LTF: variants seen among roughly 807,000 people sequenced by gnomAD.
LTF encodes epididymis luminal protein 110.
Under a neutral mutation model 87.2 loss-of-function variants are expected in LTF, and 91 were observed. The observed-to-expected ratio is 1.04, with a 90% CI of 0.88 to 1.24. The LOEUF is 1.24. Ranked by LOEUF, LTF falls within the 50% of genes most tolerant of loss-of-function variation. The probability of loss-of-function intolerance (pLI) is 0.00; values close to 1 mark genes in which losing one functional copy is unlikely to be tolerated. For synonymous variants in LTF, 378 were observed against 356.1 expected (o/e 1.06, Z -0.69); for missense variants, 901 against 904.3 (o/e 1.00, Z 0.05).
chr3:46,472,527 T>TGTGTGTGTGTGTGTGTGAGA (rs1402389714), intron 1 of LTF, among the ~76,000 whole-genome samples: 1 of 130,728 alleles, frequency 7.6e-6, no homozygotes, highest in East Asian at 2.3e-4. Context: ...TGTGTGTGTG[T>TGTGTGTGTGTGTGTGTGAGA]GAGAGAGAGA....
Position 46,447,417 on chromosome 3 carries a change from T to C in LTF, c.1213-19A>G. 1 of 1,568,650 alleles carries C rather than the reference T, an allele frequency of 6.4e-7. No homozygotes were observed. Among genetic ancestry groups the C allele is most frequent in the Non-Finnish European group, 8.8e-7 (1 of 1,138,982 alleles). On this transcript the variant is annotated intron_variant, in intron 9 of 16. Coordinates refer to ENST00000231751, the MANE Select transcript of LTF (RefSeq NM_002343.6). ...CTCCTTTCTGCAAAGACAGAGCAGA[T>C]CTCCAGCACCACAGTGAGGCTGCAT...
chr3:46,439,567 C>A, intron 14 of LTF, 87 bp from the exon 15 acceptor site: 1 of 1,142,266 alleles, frequency 8.8e-7, no homozygotes, highest in East Asian at 2.5e-5. Context: ...ATTCCACTGA[C>A]CTCCCAAATG....
chr3:46,447,226 C>G, intron 10 of LTF, 82 bp downstream of exon 10: 1 of 947,472 alleles, frequency 1.1e-6, no homozygotes, highest in East Asian at 2.4e-5. Flanking sequence ...AATGTTTCAC[C>G]TGCATTCACC....
intron 1 of LTF, among the ~76,000 whole-genome samples, chr3:46,461,356 A>G (rs931691762): frequency 6.6e-6 from 1 of 152,264 alleles, no homozygotes; most frequent in African/African-American, 2.4e-5. Flanking sequence ...CTTGTGCATG[A>G]ATATTCATAG....
chr3:46,482,580 G>A (rs1255324998), intron 1 of LTF, among the ~76,000 whole-genome samples: 1 of 115,322 alleles, frequency 8.7e-6, no homozygotes, highest in Non-Finnish European at 1.9e-5. Context: ...GAAAGGAAAG[G>A]AAGGGAGAAA....
intron 1 of LTF, among the ~76,000 whole-genome samples, chr3:46,480,376 C>G (rs1382688345): frequency 6.6e-6 from 1 of 152,176 alleles, no homozygotes; most frequent in Non-Finnish European, 1.5e-5. Context: ...CTTGAAACCC[C>G]ACTCTGATGT....
upstream of LTF, chr3:46,465,163 C>A: frequency 8.3e-6 from 4 of 483,002 alleles, no homozygotes; most frequent in Non-Finnish European, 7.4e-6. Context: ...CCCTAGGAGT[C>A]GCAGCCCCCT....
intron 2 of LTF, 30 bp downstream of exon 2, chr3:46,459,626 G>C: frequency 7.2e-7 from 1 of 1,387,784 alleles, no homozygotes; most frequent in Non-Finnish European, 9.4e-7. Context: ...CATTCAGCTT[G>C]GTCCCAACCA....
intron 6 of LTF, among the ~76,000 whole-genome samples, chr3:46,451,263 T>G (rs1287639884): frequency 6.6e-6 from 1 of 152,216 alleles, no homozygotes; most frequent in Non-Finnish European, 1.5e-5. Flanking sequence ...ACAACCTTGA[T>G]GTCAAAATCA....
chr3:46,467,758 C>T (rs1466676822), upstream of LTF, among the ~76,000 whole-genome samples: 1 of 151,110 alleles, frequency 6.6e-6, no homozygotes, highest in Non-Finnish European at 1.5e-5. Context: ...CCAAGCGATC[C>T]TCCCACCTTG....
At position 46,436,190 on chromosome 3, in the gene LTF, CG is replaced by C; in HGVS notation, c.*4del. ...TCTTGGGGAGCTGGGCCATCTTCTT[CG>C]GTTTTACTTCCTGAGGAATTCACAG... is the stretch of plus-strand genomic sequence containing the variant. On this transcript the variant is annotated 3_prime_UTR_variant, in exon 17 of 17. Transcript: ENST00000231751. 1 of 1,614,124 alleles carries C rather than the reference CG, an allele frequency of 6.2e-7. No individual in the cohort carries two copies. Among genetic ancestry groups the C allele is most frequent in the Non-Finnish European group, 8.5e-7 (1 of 1,179,958 alleles).
intron 15 of LTF, among the ~76,000 whole-genome samples, chr3:46,438,582 C>T (rs1334158254): frequency 6.6e-6 from 1 of 152,180 alleles, no homozygotes; most frequent in Non-Finnish European, 1.5e-5. Context: ...CTGCCTCCCT[C>T]ACACAGTTCC....
intron 10 of LTF, 108 bp downstream of exon 10, chr3:46,447,200 T>G: frequency 1.3e-6 from 1 of 759,196 alleles, no homozygotes; most frequent in East Asian, 2.5e-5. Context: ...CCCTTTTGAA[T>G]GTATCTGTTC....
chr3:46,482,558 G>A lies in LTF; in HGVS notation c.-320+2428C>T, dbSNP rs13090631. Among the ~76,000 whole-genome samples the A allele has an allele frequency of 8.0e-3, 626 of 77,968 alleles. 101 individuals carry two copies. The highest frequency in any genetic ancestry group is 0.019 in the East Asian group (50 of 2,624). The allele number at this position is 77,968 out of a possible 152,430, so 51.2% of individuals were successfully genotyped here. A position where few individuals can be genotyped will look rare whatever the true frequency, so the allele number is the denominator to read the frequency against. On this transcript the variant is annotated intron_variant, in intron 1 of 19. Coordinates refer to the LTF transcript ENST00000443496. ...GGGAAGGGAAGGGAAGGGAAGGGAA[G>A]GGAAGGGAAGGGAAAGGAAAGGAAG... is the stretch of plus-strand genomic sequence containing the variant.
At chr3:46,453,917 G>A (rs1422311077) in intron 6 of LTF, 4 of 229,396 alleles carry the variant, frequency 1.7e-5, no homozygotes, top group Admixed American at 5.0e-5. Context: ...CAACAATACC[G>A]ATAAACCTCT....
intron 11 of LTF, 150 bp from the exon 12 acceptor site, chr3:46,445,586 A>G (rs373247741): frequency 1.5e-5 from 9 of 608,848 alleles, no homozygotes; most frequent in African/African-American, 1.1e-4. Context: ...TTTTAGGTAG[A>G]CCGAGAAAGC....
intron 1 of LTF, among the ~76,000 whole-genome samples, chr3:46,461,511 A>T (rs1161746821): frequency 6.6e-6 from 1 of 152,216 alleles, no homozygotes; most frequent in Non-Finnish European, 1.5e-5. Context: ...AGTTATGCTC[A>T]GTGAAGGAAG....
Position 46,439,404 on chromosome 3 carries a change from C to T in LTF, c.1800G>A (p.Lys600=), listed in dbSNP as rs777999029. Residue 600 remains lysine (K), a synonymous_variant, in exon 15 of 17, where the codon AAG becomes AAA. Transcript: ENST00000231751. ...FALLCLDGKR[K]PVTEARSCHL... ...GGCAGCTTCTAGCCTCAGTCACAGG[C>T]TTCCGTTTGCCATCGAGGCACAGCA... is the stretch of plus-strand genomic sequence containing the variant. 1.9e-6 allele frequency: 3 copies of T among 1,614,250 alleles called. No individual in the cohort carries two copies. The highest frequency in any genetic ancestry group is 1.7e-6 in the Non-Finnish European group (2 of 1,180,038).
At chr3:46,464,584 G>A (rs1213637518) in intron 1 of LTF, among the ~76,000 whole-genome samples, 1 of 152,234 alleles carries the variant, frequency 6.6e-6, no homozygotes, top group African/African-American at 2.4e-5. Flanking sequence ...GAGGCCTTTT[G>A]AGAAGCTCTG....
Sources: gnomAD v4.1 joint callset for allele counts (sites outside exome capture counted in the v4.1 genomes callset) on GRCh38, gnomAD v4.1.1 for gene constraint, MANE v1.5 for transcripts, NCBI Gene and HGNC (gene_info 2026-07-23, HGNC 2026-07-21) for gene names.